The following GABBR2 variants were observed in gnomAD, a reference collection of about 807,000 sequenced individuals.
The protein encoded by GABBR2 is G-protein coupled receptor 51.
In GABBR2, 23 loss-of-function variants were observed where a neutral mutation model predicts 105.6. The ratio of observed to expected loss-of-function variants is 0.22; its 90% confidence interval spans 0.16 to 0.31. The LOEUF is 0.31. Ranked by LOEUF, GABBR2 falls within the 10% of genes least tolerant of loss-of-function variation. GABBR2 has a pLI of 1.00. For synonymous variants in GABBR2, 478 were observed against 499.7 expected (o/e 0.96, Z 0.58); for missense variants, 734 against 1,245.5 (o/e 0.59, Z 6.18).
intron 1 of GABBR2, among the ~76,000 whole-genome samples, chr9:98,644,283 G>A (rs1173635111): frequency 2.6e-5 from 4 of 152,212 alleles, no homozygotes; most frequent in African/African-American, 9.7e-5. Flanking sequence ...CAGATGTGGT[G>A]GATAATTACA....
rs896399438 is a variant in GABBR2 at position 98,405,934 on chromosome 9, GT to G, written c.1297+146del. 10 of 612,410 alleles carry G rather than the reference GT, an allele frequency of 1.6e-5. No homozygotes were observed. The African/African-American group carries it at 1.9e-4, about 12-fold the overall frequency. 37.9% of individuals were successfully genotyped at this position (612,410 alleles called of 1,614,324 possible). A position where few individuals can be genotyped will look rare whatever the true frequency, so the allele number is the denominator to read the frequency against. The stretch of plus-strand genomic sequence containing the variant: ...ATATTCCAAATAGGTTGAAACTAAT[GT>G]TTTCAGAAAAGTGTTTTCAATTGGC... On this transcript the variant is annotated intron_variant, in intron 8 of 18. Coordinates refer to ENST00000259455, the MANE Select transcript of GABBR2 (RefSeq NM_005458.8).
intron 2 of GABBR2, among the ~76,000 whole-genome samples, chr9:98,571,531 G>T (rs1441472174): frequency 6.6e-6 from 1 of 152,164 alleles, no homozygotes; most frequent in Non-Finnish European, 1.5e-5. Context: ...AAATGGCTGT[G>T]GTTTTGATCA....
intron 2 of GABBR2, among the ~76,000 whole-genome samples, chr9:98,544,561 T>C (rs1828366801): frequency 6.6e-6 from 1 of 152,092 alleles, no homozygotes; most frequent in Non-Finnish European, 1.5e-5. Context: ...ACTGGACACA[T>C]TGAGGAACAT....
In GABBR2 at chr9:98,306,402, G is replaced by A. The variant is rs1484400511; in HGVS notation, c.2005-57C>T. The A allele has an allele frequency of 8.0e-7, 1 of 1,255,122 alleles. No individual in the cohort carries two copies. The highest frequency in any genetic ancestry group is 1.2e-6 in the Non-Finnish European group (1 of 866,432). 77.7% of individuals were successfully genotyped at this position (1,255,122 alleles called of 1,614,324 possible). ...TCGTTACCAAGGGGTGGCACACACAGGCTGCTCTGAGAAGCTGTGGAGTGG... is the reference window on the plus strand; with the variant it reads ...TCGTTACCAAGGGGTGGCACACACAAGCTGCTCTGAGAAGCTGTGGAGTGG... On this transcript the variant is annotated intron_variant, in intron 14 of 18. Transcript: ENST00000259455. This position sits in a 1 kb window ranked among gnomAD's most constrained non-coding sequence, Gnocchi z 5.4.
At chr9:98,495,086 G>C (rs1253620854) in intron 4 of GABBR2, among the ~76,000 whole-genome samples, 2 of 152,146 alleles carry the variant, frequency 1.3e-5, no homozygotes, top group East Asian at 1.9e-4. Context: ...TGACACTGCA[G>C]GGGGGAGACC....
At chr9:98,345,522 G>A (rs1304539942) in intron 13 of GABBR2, among the ~76,000 whole-genome samples, 2 of 152,184 alleles carry the variant, frequency 1.3e-5, no homozygotes, top group Non-Finnish European at 2.9e-5. Flanking sequence ...AAAACTAGAT[G>A]CTTTTCCTGA....
At chr9:98,510,307 T>G (rs915344049) in intron 3 of GABBR2, among the ~76,000 whole-genome samples, 5 of 152,188 alleles carry the variant, frequency 3.3e-5, no homozygotes, top group Non-Finnish European at 7.3e-5. Flanking sequence ...TACCAGCCAC[T>G]GCAAAAACAT....
At chr9:98,487,617 T>C (rs1827086556) in intron 4 of GABBR2, among the ~76,000 whole-genome samples, 1 of 151,450 alleles carries the variant, frequency 6.6e-6, no homozygotes, top group South Asian at 2.1e-4. Flanking sequence ...TCTACAAATA[T>C]ATATATATAT....
chr9:98,609,222 C>A lies in GABBR2; in HGVS notation c.322-31150G>T, dbSNP rs147311542. On this transcript the variant is annotated intron_variant, in intron 1 of 18. Coordinates refer to ENST00000259455, the MANE Select transcript of GABBR2 (RefSeq NM_005458.8). Reference sequence around the variant, plus strand: ...ATTTCTTATAAAACCATTGTTCCATCTCTTACAGACTGGCATCCCAGACAG... The same window carrying A: ...ATTTCTTATAAAACCATTGTTCCATATCTTACAGACTGGCATCCCAGACAG... 8.2e-3 allele frequency among the ~76,000 whole-genome samples: 1,247 copies of A among 152,294 alleles called. 26 individuals are homozygous for A. Among genetic ancestry groups the A allele is most frequent in the African/African-American group, 0.028 (1,174 of 41,572 alleles).
chr9:98,301,210 T>A (rs1053642774), intron 16 of GABBR2, among the ~76,000 whole-genome samples: 4 of 152,194 alleles, frequency 2.6e-5, no homozygotes, highest in African/African-American at 9.7e-5. Context: ...GCCTGACTTA[T>A]GACTGGTATC....
At position 98,581,533 on chromosome 9, in the gene GABBR2, G is replaced by C. The variant is rs1012863285; in HGVS notation, c.322-3461C>G. Among the ~76,000 whole-genome samples, 3 of 144,894 alleles carry C rather than the reference G, an allele frequency of 2.1e-5. No homozygotes were observed. The East Asian group carries it at 5.8e-4, about 28-fold the overall frequency. On this transcript the variant is annotated intron_variant, in intron 1 of 18. Coordinates refer to ENST00000259455, the MANE Select transcript of GABBR2 (RefSeq NM_005458.8). The stretch of plus-strand genomic sequence containing the variant: ...AGGGAGGGAGGGAGACAGGGAGGGA[G>C]GGAGGAAAGATTAAGTTCTTACTGC...
intron 10 of GABBR2, among the ~76,000 whole-genome samples, chr9:98,386,685 C>T (rs906178323): frequency 7.9e-5 from 12 of 152,154 alleles, no homozygotes; most frequent in Non-Finnish European, 4.4e-5. Flanking sequence ...AGGTTTTAGG[C>T]GCCCTGTGGT....
At chr9:98,344,997 C>T (rs890866325) in intron 13 of GABBR2, among the ~76,000 whole-genome samples, 26 of 152,226 alleles carry the variant, frequency 1.7e-4, no homozygotes, top group African/African-American at 6.3e-4. Context: ...ATTCTCATTC[C>T]ACACCTGCCT....
At position 98,389,022 on chromosome 9, in the gene GABBR2, G is replaced by T. The variant is rs1468151658; in HGVS notation, c.1379-18C>A. The T allele has an allele frequency of 6.2e-7, 1 of 1,606,122 alleles. No individual in the cohort carries two copies. Among genetic ancestry groups the T allele is most frequent in the Non-Finnish European group, 8.5e-7 (1 of 1,174,840 alleles). ...TTCGGATCCTAGAGGATCAAGAGAA[G>T]ACATCAGTGGGACCCAATGCAAGTC... On this transcript the variant is annotated intron_variant, in intron 9 of 18. Coordinates refer to ENST00000259455, the MANE Select transcript of GABBR2 (RefSeq NM_005458.8).
intron 13 of GABBR2, among the ~76,000 whole-genome samples, chr9:98,359,644 C>T (rs976419360): frequency 1.3e-5 from 2 of 152,118 alleles, no homozygotes; most frequent in African/African-American, 4.8e-5. Flanking sequence ...CTTTCAGAGT[C>T]GACAGTGATC....
chr9:98,299,076 T>TTCCA (rs1830426729), intron 17 of GABBR2, 148 bp downstream of exon 17: 2 of 710,518 alleles, frequency 2.8e-6, no homozygotes, highest in African/African-American at 3.5e-5. Context: ...CAGACAGAGG[T>TTCCA]TCCAGATGCT....
At chr9:98,577,681 G>A (rs529469538) in intron 2 of GABBR2, among the ~76,000 whole-genome samples, 2 of 152,306 alleles carry the variant, frequency 1.3e-5, no homozygotes, top group Admixed American at 1.3e-4. Flanking sequence ...CTGAAAGCTG[G>A]GCTAGGGAGT....
At chr9:98,363,035 T>C (rs1479956602) in intron 12 of GABBR2, among the ~76,000 whole-genome samples, 198 bp from the exon 13 acceptor site, 1 of 152,126 alleles carries the variant, frequency 6.6e-6, no homozygotes, top group Non-Finnish European at 1.5e-5. Context: ...AGCTTGACCT[T>C]ATCACTCCCC....
At chr9:98,517,388 C>A (rs117657823) in intron 3 of GABBR2, among the ~76,000 whole-genome samples, 1 of 152,208 alleles carries the variant, frequency 6.6e-6, no homozygotes, top group East Asian at 1.9e-4. Context: ...CCTCTCCTGG[C>A]GAAACTGACC....
Sources: gnomAD v4.1 joint callset for allele counts (sites outside exome capture counted in the v4.1 genomes callset) on GRCh38, gnomAD v4.1.1 for gene constraint, Gnocchi (gnomAD v3.1) non-coding constraint, MANE v1.5 for transcripts, NCBI Gene and HGNC (gene_info 2026-07-23, HGNC 2026-07-21) for gene names.